MAN2B2: variants seen among roughly 807,000 people sequenced by gnomAD.
MAN2B2 encodes epididymis-specific alpha-mannosidase.
A neutral mutation model predicts 117.1 loss-of-function variants in MAN2B2; 106 were observed. That is an observed-to-expected ratio of 0.90 (90% confidence interval 0.77 to 1.06). The LOEUF is 1.06. Ranked by LOEUF, MAN2B2 falls within the 50% of genes least tolerant of loss-of-function variation. The pLI is 0.00. For synonymous variants in MAN2B2, 544 were observed against 595.1 expected, an observed-to-expected ratio of 0.91 and a Z score of 1.25; for missense variants, 1,326 against 1,381.4, an observed-to-expected ratio of 0.96 and a Z score of 0.64.
chr4:6,580,161 A>G (rs35755816), intron 3 of MAN2B2, among the ~76,000 whole-genome samples: 49,282 of 152,102 alleles, frequency 0.32, 9,387 homozygotes, highest in East Asian at 0.6. Flanking sequence ...ACTGCCTTAC[A>G]TCTGGACTTT....
At chr4:6,587,289 A>C in intron 4 of MAN2B2, 121 bp downstream of exon 4, 1 of 1,248,464 alleles carries the variant, frequency 8.0e-7, no homozygotes, top group Non-Finnish European at 1.1e-6. Context: ...TGGCAGCTGC[A>C]TAGACCGCGG....
chr4:6,610,640 C>A (rs1395657912), intron 13 of MAN2B2, among the ~76,000 whole-genome samples: 1 of 152,232 alleles, frequency 6.6e-6, no homozygotes, highest in East Asian at 1.9e-4. Flanking sequence ...TTCTGAGGAT[C>A]CATGAGATGA....
chr4:6,587,269 C>T lies in MAN2B2; in HGVS notation c.564+101C>T, dbSNP rs1178937403. 4.9e-6 allele frequency: 7 copies of T among 1,425,872 alleles called. No homozygotes were observed. In the African/African-American group the frequency reaches 5.7e-5, roughly 12 times the overall value. The allele number at this position is 1,425,872 out of a possible 1,614,324, so 88.3% of individuals were successfully genotyped here. A position where few individuals can be genotyped will look rare whatever the true frequency, so the allele number is the denominator to read the frequency against. On this transcript the variant is annotated intron_variant, in intron 4 of 18. Coordinates refer to ENST00000285599, the MANE Select transcript of MAN2B2 (RefSeq NM_015274.3). ...AGCTGCTGCTCTATGCCGAAGTGTTCGGAAATTCTTGGCAGCTGCATAGAC... is the reference window on the plus strand; with the variant it reads ...AGCTGCTGCTCTATGCCGAAGTGTTTGGAAATTCTTGGCAGCTGCATAGAC...
Position 6,575,345 on chromosome 4 carries a change from G to C in MAN2B2, c.135G>C (p.Val45=). Reference sequence around the variant, plus strand: ...TGGACGTGGGCTGGGTCTACACTGTGCAGGTAGGTGCCGACCACGCCCCGC... The same window carrying C: ...TGGACGTGGGCTGGGTCTACACTGTCCAGGTAGGTGCCGACCACGCCCCGC... ...SHMDVGWVYT[V]QESMRAYAAN... Residue 45 remains valine, a synonymous_variant, in exon 1 of 19, where the codon GTG becomes GTC. Coordinates refer to ENST00000285599, the MANE Select transcript of MAN2B2 (RefSeq NM_015274.3). The C allele has an allele frequency of 6.4e-7, 1 of 1,554,060 alleles. No homozygotes were observed. Among genetic ancestry groups the C allele is most frequent in the Non-Finnish European group, 8.7e-7 (1 of 1,151,482 alleles).
chr4:6,593,816 G>A (rs572245486), intron 6 of MAN2B2, among the ~76,000 whole-genome samples: 1 of 152,216 alleles, frequency 6.6e-6, no homozygotes, highest in Non-Finnish European at 1.5e-5. Context: ...GGATATATTT[G>A]TCTCAGCCAT....
intron 7 of MAN2B2, among the ~76,000 whole-genome samples, chr4:6,595,088 C>A (rs1054802250): frequency 1.4e-4 from 22 of 152,202 alleles, no homozygotes; most frequent in African/African-American, 5.3e-4. Context: ...GAGCCCTTTC[C>A]TGATGCTGAG....
At chr4:6,597,422 G>A in intron 8 of MAN2B2, 119 bp downstream of exon 8, 2 of 1,108,582 alleles carry the variant, frequency 1.8e-6, no homozygotes, top group Non-Finnish European at 2.5e-6. Context: ...TTTACAGAGG[G>A]GAAACTGAGG....
At chr4:6,594,240 C>T (rs1577281354) in intron 6 of MAN2B2, among the ~76,000 whole-genome samples, 2 of 152,106 alleles carry the variant, frequency 1.3e-5, no homozygotes, top group South Asian at 2.1e-4. Context: ...GTCAGGAGTT[C>T]GGGACCAGCC....
At chr4:6,614,072 T>C (rs1711730367) in intron 15 of MAN2B2, 146 bp from the exon 16 acceptor site, 3 of 970,668 alleles carry the variant, frequency 3.1e-6, no homozygotes, top group Admixed American at 2.7e-5. Context: ...GCACAAACAC[T>C]TTGGGCTGGT....
chr4:6,579,370 C>A (rs1299834271), intron 3 of MAN2B2, among the ~76,000 whole-genome samples: 1 of 68,048 alleles, frequency 1.5e-5, no homozygotes, highest in African/African-American at 4.6e-5. Context: ...ATCACCATCA[C>A]CACCACCACC....
At chr4:6,590,592 A>G (rs1577278665) in intron 5 of MAN2B2, among the ~76,000 whole-genome samples, 1 of 152,070 alleles carries the variant, frequency 6.6e-6, no homozygotes, top group African/African-American at 2.4e-5. Flanking sequence ...GTGTCTCTCT[A>G]ACACCCTCCA....
At chr4:6,598,792 TG>T (rs1727208634) in intron 9 of MAN2B2, among the ~76,000 whole-genome samples, 1 of 152,198 alleles carries the variant, frequency 6.6e-6, no homozygotes, top group South Asian at 2.1e-4. Context: ...TGCCCAGCCT[TG>T]GCAGAGAGTA....
intron 5 of MAN2B2, among the ~76,000 whole-genome samples, chr4:6,589,807 C>T (rs775408125): frequency 1.3e-5 from 2 of 152,154 alleles, no homozygotes; most frequent in South Asian, 2.1e-4. Flanking sequence ...TGGCTGGGTG[C>T]GGTGCCTCAT....
chr4:6,578,848 A>G (rs1726169750), intron 3 of MAN2B2, among the ~76,000 whole-genome samples: 1 of 151,966 alleles, frequency 6.6e-6, no homozygotes, highest in Admixed American at 6.6e-5. Flanking sequence ...TAAATGGGAT[A>G]ATTCAAATAA....
rs370689615 is a variant in MAN2B2 at position 6,594,562 on chromosome 4, C to T, written c.887C>T (p.Ser296Leu). 1.1e-5 allele frequency: 17 copies of T among 1,613,600 alleles called. No homozygotes were observed. The highest frequency in any genetic ancestry group is 1.3e-5 in the African/African-American group (1 of 75,064). Residue 296 changes from serine (S) to leucine (L), a missense_variant, in exon 7 of 19, where the codon TCG becomes TTG. Physicochemically the swap from Ser to Leu is moderately radical, Grantham distance 145. Transcript: ENST00000285599. ...TGTGACAAGCAGTTCTTCAATGCCT[C>T]GGTGCAGTTTGCCAACATGGACCCG... The part of the protein sequence containing the change: ...WGCDKQFFNA[S>L]VQFANMDPLL...
chr4:6,609,019 T>C (rs1727652691), intron 11 of MAN2B2, 88 bp from the exon 12 acceptor site: 2 of 1,279,486 alleles, frequency 1.6e-6, no homozygotes, highest in East Asian at 2.5e-5. Flanking sequence ...GCCACTCAGA[T>C]GGCATCTGGA....
chr4:6,614,933 G>T (rs73798310), intron 16 of MAN2B2, among the ~76,000 whole-genome samples: 11,412 of 152,258 alleles, frequency 0.075, 455 homozygotes, highest in South Asian at 0.09. Flanking sequence ...GCATGATGGG[G>T]GGCTCCCCGA....
At chr4:6,609,386 C>A in intron 12 of MAN2B2, 88 bp downstream of exon 12, 1 of 1,339,464 alleles carries the variant, frequency 7.5e-7, no homozygotes, top group Non-Finnish European at 1.0e-6. Context: ...TGTCTTTGCT[C>A]TGAACCCCAG....
intron 12 of MAN2B2, 28 bp from the exon 13 acceptor site, chr4:6,609,770 C>T (rs753867514): frequency 1.1e-5 from 16 of 1,514,276 alleles, no homozygotes; most frequent in African/African-American, 1.4e-5. Flanking sequence ...CCTGGAGCTT[C>T]ACTTACTGAT....
Sources: gnomAD v4.1 joint callset for allele counts (sites outside exome capture counted in the v4.1 genomes callset) on GRCh38, gnomAD v4.1.1 for gene constraint, MANE v1.5 for transcripts, NCBI Gene and HGNC (gene_info 2026-07-23, HGNC 2026-07-21) for gene names.